Variants in MBNL2 observed in about 807,000 individuals in gnomAD.
MBNL2 encodes the protein muscleblind like splicing regulator 2.
In MBNL2, 17 loss-of-function variants were observed where a neutral mutation model predicts 41.9. The observed-to-expected ratio is 0.41, with a 90% CI of 0.28 to 0.61. MBNL2 has a LOEUF of 0.61. Ranked by LOEUF, MBNL2 falls within the 20% of genes least tolerant of loss-of-function variation. MBNL2 has a pLI of 0.35. For synonymous variants in MBNL2, 195 were observed against 182.9 expected (o/e 1.07, Z -0.53); for missense variants, 336 against 505.6 (o/e 0.66, Z 3.22).
At position 97,222,464 on chromosome 13, in the gene MBNL2, G is replaced by A. The variant is rs1232515932; in HGVS notation, c.-672G>A. The A allele has an allele frequency of 5.0e-6, 2 of 398,434 alleles. No individual in the cohort carries two copies. Among genetic ancestry groups the A allele is most frequent in the African/African-American group, 4.1e-5 (2 of 48,578 alleles). 24.7% of individuals were successfully genotyped at this position (398,434 alleles called of 1,614,324 possible). On this transcript the variant is annotated 5_prime_UTR_variant, in exon 1 of 9. Transcript: ENST00000679496. ...TCTCATGATGCGGTGGAGAAGCCTCGGCCACTTGGTTCTGCCAGATGTTCC... is the reference window on the plus strand; with the variant it reads ...TCTCATGATGCGGTGGAGAAGCCTCAGCCACTTGGTTCTGCCAGATGTTCC...
At chr13:97,363,762 G>A (rs943357573) in intron 7 of MBNL2, among the ~76,000 whole-genome samples, 2 of 152,110 alleles carry the variant, frequency 1.3e-5, no homozygotes, top group Admixed American at 6.5e-5. Flanking sequence ...TAAGTTGGAT[G>A]TATTGGCACA....
chr13:97,257,704 G>C (rs1004647725), intron 1 of MBNL2, among the ~76,000 whole-genome samples: 2 of 152,174 alleles, frequency 1.3e-5, no homozygotes, highest in Non-Finnish European at 2.9e-5. Context: ...AATGGCCCAG[G>C]GAGCTCCATG....
the MBNL2 span, among the ~76,000 whole-genome samples, chr13:97,172,068 G>A: frequency 6.6e-6 from 1 of 152,064 alleles, no homozygotes; most frequent in Non-Finnish European, 1.5e-5. Context: ...GAGTGAAAAC[G>A]GACTAATACA....
intron 8 of MBNL2, among the ~76,000 whole-genome samples, chr13:97,372,124 GC>G (rs2064441111): frequency 6.6e-6 from 1 of 152,156 alleles, no homozygotes; most frequent in African/African-American, 2.4e-5. Context: ...ATTCATTCTG[GC>G]CCGTGAGTCC....
chr13:97,300,285 G>A (rs944247882), intron 2 of MBNL2, among the ~76,000 whole-genome samples: 1 of 152,178 alleles, frequency 6.6e-6, no homozygotes, highest in African/African-American at 2.4e-5. Context: ...CTCAATGACA[G>A]TGAAAGTAAC....
chr13:97,276,221 A>T lies in MBNL2; in HGVS notation c.-15A>T. On this transcript the variant is annotated 5_prime_UTR_variant, in exon 2 of 9. Coordinates refer to ENST00000679496, the MANE Select transcript of MBNL2 (RefSeq NM_001382683.1). ...TCATTTAACAGAAACAAACAGCCCA[A>T]ATTACTTTATCACCATGGCTTTGAA... The T allele has an allele frequency of 6.2e-7, 1 of 1,606,812 alleles. No individual in the cohort carries two copies. The highest frequency in any genetic ancestry group is 8.5e-7 in the Non-Finnish European group (1 of 1,174,826).
intron 8 of MBNL2, among the ~76,000 whole-genome samples, chr13:97,378,369 G>GT (rs2065147398): frequency 6.6e-6 from 1 of 152,186 alleles, no homozygotes; most frequent in Non-Finnish European, 1.5e-5. Context: ...TAACATATCT[G>GT]TTAAGCCTAG....
At chr13:97,167,870 A>G in the MBNL2 span, among the ~76,000 whole-genome samples, 5 of 152,204 alleles carry the variant, frequency 3.3e-5, no homozygotes, top group African/African-American at 4.8e-5. Context: ...CCCTTAACCT[A>G]TATATTTGTC....
chr13:97,162,819 G>A, the MBNL2 span, among the ~76,000 whole-genome samples: 1 of 152,246 alleles, frequency 6.6e-6, no homozygotes, highest in Non-Finnish European at 1.5e-5. Flanking sequence ...TCATAAAACA[G>A]GTTTATTTTT....
At chr13:97,248,894 A>G (rs1272503033) in intron 1 of MBNL2, among the ~76,000 whole-genome samples, 2 of 152,202 alleles carry the variant, frequency 1.3e-5, no homozygotes, top group Non-Finnish European at 2.9e-5. Flanking sequence ...TCTATGGAAA[A>G]TGTTATGCAA....
chr13:97,143,533 A>C, the MBNL2 span, among the ~76,000 whole-genome samples: 2 of 152,228 alleles, frequency 1.3e-5, no homozygotes, highest in African/African-American at 4.8e-5. Flanking sequence ...CTGGTTTACT[A>C]GTCCCTGGTA....
chr13:97,155,445 T>C, the MBNL2 span, among the ~76,000 whole-genome samples: 4 of 151,284 alleles, frequency 2.6e-5, no homozygotes, highest in Non-Finnish European at 5.9e-5. Context: ...GTGCACATTG[T>C]GCAGGTTAGT....
the MBNL2 span, among the ~76,000 whole-genome samples, chr13:97,184,599 C>T: frequency 6.6e-6 from 1 of 152,188 alleles, no homozygotes; most frequent in Non-Finnish European, 1.5e-5. Flanking sequence ...TCTCCTGCCT[C>T]AGCCTCCTGA....
chr13:97,236,786 A>T (rs552637358), intron 1 of MBNL2, among the ~76,000 whole-genome samples: 72 of 152,308 alleles, frequency 4.7e-4, no homozygotes, highest in African/African-American at 1.6e-3. Flanking sequence ...CAAATTAGAA[A>T]CTTGAAAGGA....
Position 97,347,044 on chromosome 13 carries a change from G to C in MBNL2, c.781G>C (p.Ala261Pro). 6.2e-7 allele frequency: 1 copy of C among 1,603,376 alleles called. No individual in the cohort carries two copies. ...ANQAAVAAQA[A>P]AAAATVMTQS... ...CCAAGCTGCGGTGGCCGCCCAGGCAGCCGCGGCCGCGGCCACAGTCATGGT... is the reference window on the plus strand; with the variant it reads ...CCAAGCTGCGGTGGCCGCCCAGGCACCCGCGGCCGCGGCCACAGTCATGGT... Residue 261 changes from alanine to proline, a missense_variant, in exon 5 of 9, where the codon GCC becomes CCC. Coordinates refer to ENST00000679496, the MANE Select transcript of MBNL2 (RefSeq NM_001382683.1).
intron 2 of MBNL2, among the ~76,000 whole-genome samples, chr13:97,330,306 C>G (rs930252773): frequency 1.3e-5 from 2 of 152,162 alleles, no homozygotes; most frequent in African/African-American, 4.8e-5. Context: ...CTTACTGGCC[C>G]TAGCTGAGGC....
the MBNL2 span, among the ~76,000 whole-genome samples, chr13:97,193,930 C>G: frequency 6.6e-6 from 1 of 152,214 alleles, no homozygotes; most frequent in Admixed American, 6.5e-5. Flanking sequence ...ATGCTCCAGC[C>G]TCCCTGGTCT....
chr13:97,303,214 AGTC>A (rs2057804630), intron 2 of MBNL2, among the ~76,000 whole-genome samples: 1 of 152,058 alleles, frequency 6.6e-6, no homozygotes, highest in Non-Finnish European at 1.5e-5. Flanking sequence ...AGGTGGCAAA[AGTC>A]TTTTGGGGTA....
intron 1 of MBNL2, among the ~76,000 whole-genome samples, chr13:97,275,275 C>A (rs945332781): frequency 6.6e-6 from 1 of 152,110 alleles, no homozygotes; most frequent in African/African-American, 2.4e-5. Context: ...TTATAGCATT[C>A]CCAACAATAA....
Sources: allele counts gnomAD v4.1 joint callset (sites outside exome capture counted in the v4.1 genomes callset), GRCh38; gene constraint gnomAD v4.1.1; transcripts MANE v1.5; gene names NCBI Gene and HGNC (gene_info 2026-07-23, HGNC 2026-07-21).